The following ARHGAP28 variants were observed in gnomAD, a reference collection of about 807,000 sequenced individuals.
ARHGAP28 encodes the protein Rho GTPase activating protein 28, also known as rho GTPase-activating protein 28.
In ARHGAP28, 56 loss-of-function variants were observed where a neutral mutation model predicts 90.7. The ratio of observed to expected loss-of-function variants is 0.62; its 90% CI spans 0.50 to 0.77. The LOEUF (loss-of-function observed/expected upper bound fraction) is 0.77, where lower values mean the gene tolerates loss of function less well. ARHGAP28 is among the 30% of genes least tolerant of loss of function. ARHGAP28 has a pLI of 0.00. For missense variants in ARHGAP28, 869 were observed against 900.9 expected (o/e 0.96, Z 0.45); for synonymous variants, 308 against 323.3 (o/e 0.95, Z 0.51).
intron 1 of ARHGAP28, among the ~76,000 whole-genome samples, chr18:6,820,850 T>C (rs910728505): frequency 6.6e-6 from 1 of 152,204 alleles, no homozygotes; most frequent in Non-Finnish European, 1.5e-5. Context: ...GGGAATTTGT[T>C]GTCAGCAGAT....
intron 1 of ARHGAP28, among the ~76,000 whole-genome samples, chr18:6,808,095 A>G (rs986893582): frequency 2.6e-5 from 4 of 151,776 alleles, no homozygotes; most frequent in African/African-American, 9.7e-5. Flanking sequence ...CTGTTACTCC[A>G]TCTCGGCTGG....
intron 4 of ARHGAP28, among the ~76,000 whole-genome samples, chr18:6,855,650 A>G (rs2056947091): frequency 6.6e-6 from 1 of 152,292 alleles, no homozygotes; most frequent in South Asian, 2.1e-4. Context: ...CACTTGCCAC[A>G]TTGTGGGCAA....
chr18:6,820,981 A>G (rs1041883877), intron 1 of ARHGAP28, among the ~76,000 whole-genome samples: 3 of 152,192 alleles, frequency 2.0e-5, no homozygotes, highest in African/African-American at 7.2e-5. Context: ...ACTCTAGAAA[A>G]GATAAATTTA....
intron 3 of ARHGAP28, among the ~76,000 whole-genome samples, chr18:6,843,689 G>A (rs550690526): frequency 2.6e-5 from 4 of 152,244 alleles, no homozygotes; most frequent in African/African-American, 9.6e-5. Context: ...ATTTTCTTGT[G>A]CTGATTTTTC....
intron 1 of ARHGAP28, among the ~76,000 whole-genome samples, chr18:6,750,028 G>A (rs1316248060): frequency 6.6e-6 from 1 of 152,008 alleles, no homozygotes; most frequent in Non-Finnish European, 1.5e-5. Context: ...CTGTCTATTG[G>A]ACTTTTCCTT....
At chr18:6,896,702 C>A (rs1003063702) in intron 16 of ARHGAP28, 76 bp downstream of exon 16, 24 of 1,542,118 alleles carry the variant, frequency 1.6e-5, no homozygotes, top group Non-Finnish European at 1.8e-5. Context: ...TAGGCATTTA[C>A]AAATTTGACC....
At chr18:6,841,172 C>CTCACTG (rs1486370246) in intron 3 of ARHGAP28, among the ~76,000 whole-genome samples, 32 of 76,256 alleles carry the variant, frequency 4.2e-4, no homozygotes, top group Admixed American at 2.2e-3. Context: ...TCTCTCCTCT[C>CTCACTG]TCTCTCTCCT....
intron 1 of ARHGAP28, among the ~76,000 whole-genome samples, chr18:6,735,519 T>C (rs2055918185): frequency 6.6e-6 from 1 of 152,012 alleles, no homozygotes; most frequent in Non-Finnish European, 1.5e-5. Context: ...ATTGGGTTGG[T>C]CTGATGTTTT....
chr18:6,737,927 T>G (rs2055942739), intron 1 of ARHGAP28, among the ~76,000 whole-genome samples: 1 of 152,206 alleles, frequency 6.6e-6, no homozygotes, highest in Non-Finnish European at 1.5e-5. Flanking sequence ...AAACTGTCCA[T>G]TTGACAGGCA....
chr18:6,849,855 T>G (rs1261300543), intron 3 of ARHGAP28, among the ~76,000 whole-genome samples: 1 of 152,210 alleles, frequency 6.6e-6, no homozygotes, highest in Non-Finnish European at 1.5e-5. Context: ...CACTCAGCTT[T>G]TTGTTTCTGA....
chr18:6,862,470 C>T (rs1209345013), intron 5 of ARHGAP28, among the ~76,000 whole-genome samples: 2 of 152,172 alleles, frequency 1.3e-5, no homozygotes, highest in African/African-American at 2.4e-5. Flanking sequence ...TGACCTAACC[C>T]ATATCTTTCC....
intron 1 of ARHGAP28, among the ~76,000 whole-genome samples, chr18:6,757,436 A>G (rs560865528): frequency 5.3e-5 from 8 of 152,224 alleles, no homozygotes; most frequent in South Asian, 2.1e-4. Flanking sequence ...CCAGCTTTAC[A>G]TATTGAAAGG....
At chr18:6,888,917 C>T (rs1269696012) in intron 12 of ARHGAP28, among the ~76,000 whole-genome samples, 4 of 152,154 alleles carry the variant, frequency 2.6e-5, no homozygotes, top group Admixed American at 1.3e-4. Context: ...TGGTTCCCTT[C>T]GTTCAGATCC....
At chr18:6,833,215 G>C (rs1400963486) in intron 2 of ARHGAP28, among the ~76,000 whole-genome samples, 1 of 151,776 alleles carries the variant, frequency 6.6e-6, no homozygotes, top group Non-Finnish European at 1.5e-5. Flanking sequence ...AAGTACTTTA[G>C]GTATTATATG....
Position 6,868,380 on chromosome 18 carries a change from C to T in ARHGAP28, c.811+146C>T, listed in dbSNP as rs1027440414. 1.7e-5 allele frequency: 11 copies of T among 662,282 alleles called. No individual in the cohort carries two copies. In the Admixed American group the frequency reaches 2.4e-4, roughly 14 times the overall value. The allele number at this position is 662,282 out of a possible 1,614,324, so 41.0% of individuals were successfully genotyped here. A position where few individuals can be genotyped will look rare whatever the true frequency, so the allele number is the denominator to read the frequency against. ...ATTCTGTCACTTCCATCGCTCACTCCTTCCACCCAACTCCAAACACCCCAT... is the reference window on the plus strand; with the variant it reads ...ATTCTGTCACTTCCATCGCTCACTCTTTCCACCCAACTCCAAACACCCCAT... On this transcript the variant is annotated intron_variant, in intron 6 of 17. Coordinates refer to ENST00000383472, the MANE Select transcript of ARHGAP28 (RefSeq NM_001366230.1).
At chr18:6,894,131 T>G (rs1341499341) in intron 14 of ARHGAP28, among the ~76,000 whole-genome samples, 3 of 152,186 alleles carry the variant, frequency 2.0e-5, no homozygotes, top group Non-Finnish European at 4.4e-5. Flanking sequence ...CCTCCCAAAG[T>G]GCTAGGATTA....
At chr18:6,848,730 C>T (rs1220022134) in intron 3 of ARHGAP28, among the ~76,000 whole-genome samples, 1 of 152,150 alleles carries the variant, frequency 6.6e-6, no homozygotes, top group East Asian at 1.9e-4. Context: ...TTGGCTGTCA[C>T]TTTGGGGTAA....
At chr18:6,890,157 G>A in intron 13 of ARHGAP28, 72 bp downstream of exon 13, 1 of 1,534,038 alleles carries the variant, frequency 6.5e-7, no homozygotes, top group Non-Finnish European at 9.0e-7. Context: ...CTCCATGATT[G>A]GGCAACTCCC....
chr18:6,863,729 A>C (rs2143432071), intron 5 of ARHGAP28, among the ~76,000 whole-genome samples: 1 of 151,542 alleles, frequency 6.6e-6, no homozygotes. Context: ...TATATTTAAT[A>C]ATTTGTTTAT....
Sources: gnomAD v4.1 joint callset for allele counts (sites outside exome capture counted in the v4.1 genomes callset) on GRCh38, gnomAD v4.1.1 for gene constraint, MANE v1.5 for transcripts, NCBI Gene and HGNC (gene_info 2026-07-23, HGNC 2026-07-21) for gene names.